KIAA1217: variants seen among roughly 807,000 people sequenced by gnomAD.
KIAA1217 encodes KIAA1217.
In KIAA1217, 88 loss-of-function variants were observed where a neutral mutation model predicts 163.9. The observed-to-expected ratio is 0.54, with a 90% CI of 0.45 to 0.64. The LOEUF is 0.64. KIAA1217 is among the 30% of genes least tolerant of loss of function. The probability of loss-of-function intolerance (pLI) is 0.00; values close to 1 mark genes in which losing one functional copy is unlikely to be tolerated. For synonymous variants in KIAA1217, 903 were observed against 923.1 expected (o/e 0.98, Z 0.39); for missense variants, 2,372 against 2,475.0 (o/e 0.96, Z 0.88).
At chr10:23,918,676 G>GAATAATT (rs750496650) in intron 1 of KIAA1217, among the ~76,000 whole-genome samples, 1 of 151,470 alleles carries the variant, frequency 6.6e-6, no homozygotes, top group Non-Finnish European at 1.5e-5. Context: ...GATGGACCAT[G>GAATAATT]AATAATTTCA....
intron 3 of KIAA1217, among the ~76,000 whole-genome samples, chr10:24,397,241 C>A (rs1449140049): frequency 6.6e-6 from 1 of 151,328 alleles, no homozygotes; most frequent in Admixed American, 6.6e-5. Context: ...AGGCATGCAG[C>A]ACCACACCCG....
chr10:23,701,691 AT>A (rs1836460661), intron 1 of KIAA1217, among the ~76,000 whole-genome samples: 1 of 152,198 alleles, frequency 6.6e-6, no homozygotes, highest in South Asian at 2.1e-4. Flanking sequence ...GCCTAAATAA[AT>A]ACTTCTTACT....
intron 2 of KIAA1217, among the ~76,000 whole-genome samples, chr10:24,372,345 T>A (rs1591397577): frequency 6.6e-6 from 1 of 152,138 alleles, no homozygotes; most frequent in Admixed American, 6.5e-5. Context: ...ACAATCATGA[T>A]GAATGAGGGG....
intron 2 of KIAA1217, among the ~76,000 whole-genome samples, chr10:24,048,690 C>T (rs1849235420): frequency 1.3e-5 from 2 of 149,026 alleles, no homozygotes; most frequent in African/African-American, 2.5e-5. Flanking sequence ...AGATCATACC[C>T]CTGCACCCGA....
intron 2 of KIAA1217, among the ~76,000 whole-genome samples, chr10:24,065,095 C>G (rs1052753123): frequency 3.3e-5 from 5 of 152,122 alleles, no homozygotes; most frequent in African/African-American, 9.7e-5. Flanking sequence ...AAAACCAGCT[C>G]CTGGATTCAT....
At chr10:24,382,186 C>T (rs1271064144) in intron 3 of KIAA1217, among the ~76,000 whole-genome samples, 1 of 151,870 alleles carries the variant, frequency 6.6e-6, no homozygotes, top group East Asian at 1.9e-4. Context: ...GATTTGGGTA[C>T]TTGTGTTTGC....
At chr10:24,208,960 C>G, upstream of KIAA1217, 1 of 452,734 alleles carries the variant, frequency 2.2e-6, no homozygotes, top group South Asian at 2.8e-5. Flanking sequence ...GACGGACGGA[C>G]AGACCTAGGG....
intron 1 of KIAA1217, among the ~76,000 whole-genome samples, chr10:23,806,332 C>A (rs1292428603): frequency 6.6e-6 from 1 of 152,120 alleles, no homozygotes; most frequent in Non-Finnish European, 1.5e-5. Context: ...CAAATCCAAA[C>A]TGAAAAATAA....
intron 17 of KIAA1217, among the ~76,000 whole-genome samples, chr10:24,539,452 A>C (rs556973601): frequency 5.3e-5 from 8 of 152,054 alleles, no homozygotes; most frequent in Non-Finnish European, 1.0e-4. Context: ...GCTGGTCTTC[A>C]ACTACTGACC....
chr10:24,490,027 G>A (rs1053625460), intron 6 of KIAA1217, among the ~76,000 whole-genome samples: 48 of 152,136 alleles, frequency 3.2e-4, no homozygotes, highest in African/African-American at 1.1e-3. Flanking sequence ...GGAGCTTGCA[G>A]GAAAGTTGTT....
intron 1 of KIAA1217, among the ~76,000 whole-genome samples, chr10:23,703,511 G>A (rs766014968): frequency 2.6e-5 from 4 of 152,022 alleles, no homozygotes; most frequent in Non-Finnish European, 5.9e-5. Flanking sequence ...CTCTGCAGGG[G>A]GAAAAAAGCC....
chr10:24,291,648 G>A (rs781741710), intron 2 of KIAA1217, among the ~76,000 whole-genome samples: 5 of 152,114 alleles, frequency 3.3e-5, no homozygotes, highest in Non-Finnish European at 5.9e-5. Flanking sequence ...TGTCCTGTCC[G>A]GTAGTGGGCT....
intron 1 of KIAA1217, among the ~76,000 whole-genome samples, chr10:23,792,963 A>T (rs1394097841): frequency 6.7e-6 from 1 of 149,338 alleles, no homozygotes; most frequent in Non-Finnish European, 1.5e-5. Flanking sequence ...TTCATTCGCC[A>T]TTTTTCACAG....
chr10:24,356,338 A>G (rs10764466), intron 2 of KIAA1217, among the ~76,000 whole-genome samples: 60,050 of 152,140 alleles, frequency 0.39, 12,864 homozygotes, highest in Middle Eastern at 0.49. Context: ...GTAAAACAGC[A>G]TCGAATGCTG....
intron 16 of KIAA1217, 100 bp downstream of exon 16, chr10:24,533,337 C>T (rs938584648): frequency 1.4e-4 from 168 of 1,204,070 alleles, no homozygotes; most frequent in Non-Finnish European, 1.8e-4. Context: ...CAGGGAAGCG[C>T]ATGGACCGGG....
chr10:24,242,167 T>C (rs1475934291), intron 2 of KIAA1217, among the ~76,000 whole-genome samples: 1 of 152,216 alleles, frequency 6.6e-6, no homozygotes, highest in East Asian at 1.9e-4. Context: ...GAGGTACATG[T>C]ATAGGATTGT....
rs202024336 is a variant in KIAA1217, at chr10:24,359,082, CTTT to C, written c.355-21772_355-21770del. ...TTTCTTTTCTTTTCTTTCTTTCTTT[CTTT>C]TTTTTTTTTTTTTTGTTTTTTTGAG... On this transcript the variant is annotated intron_variant, in intron 2 of 20. Coordinates refer to ENST00000376454, the MANE Select transcript of KIAA1217 (RefSeq NM_019590.5). Among the ~76,000 whole-genome samples, 173 of 81,534 alleles carry C rather than the reference CTTT, an allele frequency of 2.1e-3. No individual in the cohort carries two copies. In the Middle Eastern group the frequency reaches 0.022, roughly 10 times the overall value. 53.5% of individuals were successfully genotyped at this position (81,534 alleles called of 152,430 possible).
chr10:24,517,286 T>A (rs1185679818), intron 10 of KIAA1217, among the ~76,000 whole-genome samples: 1 of 152,048 alleles, frequency 6.6e-6, no homozygotes, highest in East Asian at 1.9e-4. Flanking sequence ...GATGGCTAGA[T>A]CTGAATGGCA....
rs1424027620 is a variant in KIAA1217 at position 24,384,263 on chromosome 10, AT to A, written c.553+3200del. 2.0e-5 allele frequency among the ~76,000 whole-genome samples: 3 copies of A among 148,508 alleles called. No homozygotes were observed. In the East Asian group the frequency reaches 6.0e-4, roughly 30 times the overall value. On this transcript the variant is annotated intron_variant, in intron 3 of 20. Coordinates refer to ENST00000376454, the MANE Select transcript of KIAA1217 (RefSeq NM_019590.5). Reference sequence around the variant, plus strand: ...CCTGTTGATCTTGCCTTTATTTAAAATTTTGATGGTTTATCATGAATTTTTT... The same window carrying A: ...CCTGTTGATCTTGCCTTTATTTAAAATTTGATGGTTTATCATGAATTTTTT...
Sources: gnomAD v4.1 joint callset for allele counts (sites outside exome capture counted in the v4.1 genomes callset) on GRCh38, gnomAD v4.1.1 for gene constraint, MANE v1.5 for transcripts, NCBI Gene and HGNC (gene_info 2026-07-23, HGNC 2026-07-21) for gene names.